The following GRIN2B variants were observed in gnomAD, a reference collection of about 807,000 sequenced individuals.
GRIN2B encodes the protein glutamate receptor ionotropic, NMDA 2B.
GRIN2B carries 5 observed loss-of-function variants against 114.5 expected under a neutral mutation model. The observed-to-expected ratio is 0.04, with a 90% confidence interval of 0.02 to 0.09. The LOEUF is 0.09. Among genes scored for constraint, GRIN2B ranks in the 10% least tolerant of loss-of-function variants. GRIN2B has a pLI of 1.00. For missense variants in GRIN2B, 1,108 were observed against 1,943.5 expected (o/e 0.57, Z 8.08); for synonymous variants, 787 against 745.1 (o/e 1.06, Z -0.92).
chr12:13,607,243 TA>T (rs1166013487), intron 10 of GRIN2B, among the ~76,000 whole-genome samples: 4,920 of 80,894 alleles, frequency 0.061, 300 homozygotes, highest in African/African-American at 0.21. Flanking sequence ...ATATATTATA[TA>T]AAAAATATAT....
chr12:13,725,811 CA>C (rs1207530091), intron 4 of GRIN2B, among the ~76,000 whole-genome samples: 1 of 152,062 alleles, frequency 6.6e-6, no homozygotes, highest in African/African-American at 2.4e-5. Context: ...CTGATGCTGC[CA>C]GAATGAAGGA....
chr12:13,685,483 T>A (rs1950168543), intron 4 of GRIN2B, among the ~76,000 whole-genome samples: 1 of 152,062 alleles, frequency 6.6e-6, no homozygotes, highest in Non-Finnish European at 1.5e-5. Context: ...TTTATAGAAG[T>A]GATTATGTTG....
At chr12:13,863,062 GGAGA>G (rs1368425417) in intron 3 of GRIN2B, among the ~76,000 whole-genome samples, 3 of 152,152 alleles carry the variant, frequency 2.0e-5, no homozygotes, top group Non-Finnish European at 4.4e-5. Flanking sequence ...CTTATTTGGC[GGAGA>G]GAAAGACATG....
At chr12:13,633,527 A>G (rs772177085) in intron 5 of GRIN2B, among the ~76,000 whole-genome samples, 11 of 152,074 alleles carry the variant, frequency 7.2e-5, no homozygotes, top group Admixed American at 5.9e-4. Flanking sequence ...GCAGGGTAAA[A>G]CTCATCCCCT....
intron 4 of GRIN2B, among the ~76,000 whole-genome samples, chr12:13,703,280 A>G (rs1407610800): frequency 6.6e-6 from 1 of 152,214 alleles, no homozygotes; most frequent in East Asian, 1.9e-4. Context: ...TTATTTGGGC[A>G]TAATGAGAGA....
intron 5 of GRIN2B, among the ~76,000 whole-genome samples, chr12:13,665,122 CT>C (rs1180092572): frequency 6.7e-6 from 1 of 148,682 alleles, no homozygotes; most frequent in Non-Finnish European, 1.5e-5. Context: ...GAGTTCCTAA[CT>C]GAAAAGAGAG....
chr12:13,852,627 A>C (rs2136729543), intron 3 of GRIN2B, among the ~76,000 whole-genome samples: 1 of 148,458 alleles, frequency 6.7e-6, no homozygotes, highest in Admixed American at 6.8e-5. Flanking sequence ...TTAAAAGGTT[A>C]TTTCATTTAA....
chr12:13,777,506 G>T (rs74065294), intron 3 of GRIN2B, among the ~76,000 whole-genome samples: 2,435 of 152,230 alleles, frequency 0.016, 68 homozygotes, highest in African/African-American at 0.055. Flanking sequence ...GAAGTATTCC[G>T]CAATACCCAT....
At chr12:13,902,616 G>A (rs1408612259) in intron 2 of GRIN2B, among the ~76,000 whole-genome samples, 1 of 152,154 alleles carries the variant, frequency 6.6e-6, no homozygotes, top group East Asian at 1.9e-4. Flanking sequence ...TTCGAGACCA[G>A]CCTGGCCAAC....
At chr12:13,710,966 G>A (rs1243688372) in intron 4 of GRIN2B, among the ~76,000 whole-genome samples, 1 of 152,054 alleles carries the variant, frequency 6.6e-6, no homozygotes, top group Non-Finnish European at 1.5e-5. Flanking sequence ...CATGCTACCT[G>A]ACTTCAAACT....
chr12:13,782,168 A>G (rs1380804691), intron 3 of GRIN2B, among the ~76,000 whole-genome samples: 2 of 152,160 alleles, frequency 1.3e-5, no homozygotes, highest in African/African-American at 4.8e-5. Flanking sequence ...CTTTTTCCAT[A>G]ATTAGAAAGC....
chr12:13,824,855 CAAAAAA>C (rs34417194), intron 3 of GRIN2B, among the ~76,000 whole-genome samples: 24 of 95,112 alleles, frequency 2.5e-4, no homozygotes, highest in Non-Finnish European at 3.7e-4. Flanking sequence ...GACTCCATTT[CAAAAAA>C]AAAAAAAAAA....
At chr12:13,721,222 C>G (rs919140735) in intron 4 of GRIN2B, among the ~76,000 whole-genome samples, 8 of 151,934 alleles carry the variant, frequency 5.3e-5, no homozygotes, top group Non-Finnish European at 1.2e-4. Context: ...AGGAAAGAAG[C>G]TGATGGAGTC....
chr12:13,698,727 T>G lies in GRIN2B; in HGVS notation c.1011-22868A>C, dbSNP rs755885682. 2.6e-5 allele frequency among the ~76,000 whole-genome samples: 4 copies of G among 152,178 alleles called. No homozygotes were observed. In the South Asian group the frequency reaches 6.2e-4, roughly 24 times the overall value. ...AGACAGAGTTTCTCTCTGTCACCCA[T>G]GCTGCAGTGCAGTGGCACGATCCTG... On this transcript the variant is annotated intron_variant, in intron 4 of 13. Coordinates refer to ENST00000609686, the MANE Select transcript of GRIN2B (RefSeq NM_000834.5).
At chr12:13,608,295 G>A (rs1591638452) in intron 10 of GRIN2B, among the ~76,000 whole-genome samples, 2 of 152,280 alleles carry the variant, frequency 1.3e-5, no homozygotes, top group East Asian at 3.9e-4. Context: ...GGGCAGCCCT[G>A]TGCAGATAGG....
chr12:13,967,462 A>G (rs1282676576), intron 2 of GRIN2B, among the ~76,000 whole-genome samples: 1 of 152,252 alleles, frequency 6.6e-6, no homozygotes, highest in East Asian at 1.9e-4. Flanking sequence ...TTCATGTCTT[A>G]GTATCCTCAT....
intron 5 of GRIN2B, among the ~76,000 whole-genome samples, chr12:13,664,206 G>T (rs1328411675): frequency 6.6e-6 from 1 of 152,148 alleles, no homozygotes; most frequent in East Asian, 1.9e-4. Flanking sequence ...CACAAGAGGT[G>T]CTGGAGAATA....
intron 2 of GRIN2B, among the ~76,000 whole-genome samples, chr12:13,883,907 AT>A (rs1486256039): frequency 6.6e-6 from 1 of 152,126 alleles, no homozygotes; most frequent in Non-Finnish European, 1.5e-5. Context: ...AAGATTTTTA[AT>A]TTCAAGAGTT....
chr12:13,883,187 T>C (rs1207442300), intron 2 of GRIN2B, among the ~76,000 whole-genome samples: 1 of 152,248 alleles, frequency 6.6e-6, no homozygotes, highest in African/African-American at 2.4e-5. Context: ...TTACCACTTT[T>C]GGTGATCATG....
Sources: allele counts gnomAD v4.1 joint callset (sites outside exome capture counted in the v4.1 genomes callset), GRCh38; gene constraint gnomAD v4.1.1; transcripts MANE v1.5; gene names NCBI Gene and HGNC (gene_info 2026-07-23, HGNC 2026-07-21).